The following CCDC32 variants were observed in gnomAD, a reference collection of about 807,000 sequenced individuals.
The protein encoded by CCDC32 is coiled-coil domain-containing protein 32.
In CCDC32, 9 loss-of-function variants were observed where a neutral mutation model predicts 20.1. The observed-to-expected ratio is 0.45, with a 90% CI of 0.27 to 0.78. CCDC32 has a LOEUF of 0.78. Among genes scored for constraint, CCDC32 ranks in the 30% least tolerant of loss-of-function variants. CCDC32 has a pLI of 0.16. For synonymous variants in CCDC32, 63 were observed against 79.0 expected (o/e 0.80, Z 1.07); for missense variants, 204 against 215.5 (o/e 0.95, Z 0.33).
intron 2 of CCDC32, chr15:40,562,333 G>C (rs1369051502): frequency 6.4e-6 from 1 of 156,218 alleles, no homozygotes; most frequent in Non-Finnish European, 1.4e-5. Flanking sequence ...CAGCACTTTG[G>C]GATGCCGAGG....
chr15:40,564,763 C>T (rs1051834415), intron 1 of CCDC32: 4 of 1,614,214 alleles, frequency 2.5e-6, no homozygotes, highest in Non-Finnish European at 3.4e-6. Context: ...AAACTTTGCT[C>T]ACACCAGAGC....
intron 3 of CCDC32, among the ~76,000 whole-genome samples, chr15:40,546,708 A>AT (rs35672819): frequency 0.84 from 122,890 of 146,288 alleles, 52,547 homozygotes; most frequent in Non-Finnish European, 0.92. Flanking sequence ...GTGTTTTGCA[A>AT]TTTTTTTTTT....
intron 3 of CCDC32, among the ~76,000 whole-genome samples, chr15:40,540,493 G>A (rs908474541): frequency 1.3e-5 from 2 of 150,740 alleles, no homozygotes; most frequent in Non-Finnish European, 2.9e-5. Context: ...TCAGCCTCCC[G>A]AGTAGCTGGG....
intron 3 of CCDC32, among the ~76,000 whole-genome samples, chr15:40,542,874 C>G (rs1438927867): frequency 6.8e-6 from 1 of 148,022 alleles, no homozygotes; most frequent in African/African-American, 2.5e-5. Context: ...AAAAAGATGC[C>G]TGGCCAGGTG....
At chr15:40,552,603 C>T (rs1339266724), downstream of CCDC32, among the ~76,000 whole-genome samples, 2 of 150,606 alleles carry the variant, frequency 1.3e-5, no homozygotes, top group African/African-American at 2.4e-5. Flanking sequence ...AAGACAAATA[C>T]TTGATTTAGA....
chr15:40,534,748 C>A, downstream of CCDC32: 1 of 619,304 alleles, frequency 1.6e-6, no homozygotes, highest in Admixed American at 2.5e-5. Context: ...GCACTAATCC[C>A]ATTGATAAAG....
downstream of CCDC32, among the ~76,000 whole-genome samples, chr15:40,532,729 T>C (rs1888935123): frequency 1.4e-5 from 2 of 143,780 alleles, no homozygotes; most frequent in South Asian, 2.2e-4. Flanking sequence ...TTTTTTTTTT[T>C]TTTTTTTTTT....
chr15:40,564,820 G>T (rs762080665), intron 1 of CCDC32, 156 bp downstream of exon 1: 1 of 1,613,886 alleles, frequency 6.2e-7, no homozygotes, highest in Non-Finnish European at 8.5e-7. Flanking sequence ...AACCACGCAG[G>T]AAATTCCGGC....
intron 3 of CCDC32, among the ~76,000 whole-genome samples, chr15:40,546,779 G>T (rs2141619620): frequency 6.6e-6 from 1 of 150,722 alleles, no homozygotes; most frequent in East Asian, 2.0e-4. Flanking sequence ...TCAGCTCACT[G>T]CAACCTCACC....
chr15:40,533,807 G>A (rs769713639), downstream of CCDC32, among the ~76,000 whole-genome samples: 82 of 152,094 alleles, frequency 5.4e-4, no homozygotes, highest in Admixed American at 5.9e-4. Context: ...TTGAAATAGA[G>A]TAATTGGGGT....
chr15:40,552,856 C>T (rs1486513387), downstream of CCDC32: 5 of 148,732 alleles, frequency 3.4e-5, no homozygotes, highest in African/African-American at 7.4e-5. Context: ...CTCTCTCGAT[C>T]GGAAGATTTT....
chr15:40,541,202 G>T, intron 3 of CCDC32, among the ~76,000 whole-genome samples: 1 of 152,334 alleles, frequency 6.6e-6, no homozygotes, highest in African/African-American at 2.4e-5. Flanking sequence ...CTTAGCCCCT[G>T]CAGGGCTGCC....
chr15:40,547,849 C>G lies in CCDC32; in HGVS notation c.402-8494G>C, dbSNP rs1055726289. Among the ~76,000 whole-genome samples the G allele has an allele frequency of 2.0e-5, 3 of 152,326 alleles. No individual in the cohort carries two copies. The East Asian group carries it at 5.8e-4, about 29-fold the overall frequency. ...CAGTCCCTCCCTTTCCTGACCTGTT[C>G]CCACTTTTCTCCATGAACCCCAGGG... is the stretch of plus-strand genomic sequence containing the variant. On this transcript the variant is annotated intron_variant, in intron 3 of 3. Coordinates refer to the CCDC32 transcript ENST00000558113.
At chr15:40,548,343 C>T (rs1247909899), downstream of CCDC32, among the ~76,000 whole-genome samples, 1 of 152,174 alleles carries the variant, frequency 6.6e-6, no homozygotes, top group Non-Finnish European at 1.5e-5. Flanking sequence ...TGCCCCTCTC[C>T]CTACTGTAGC....
chr15:40,536,795 C>T (rs571438599), downstream of CCDC32: 2 of 152,358 alleles, frequency 1.3e-5, no homozygotes, highest in East Asian at 1.9e-4. Context: ...GTTCATTCCA[C>T]GGAACACACT....
At chr15:40,558,129 A>G (rs1356383047) in intron 2 of CCDC32, 2 of 152,238 alleles carry the variant, frequency 1.3e-5, no homozygotes, top group Non-Finnish European at 2.9e-5. Context: ...AAGAAAGGAC[A>G]TCACCATTTA....
chr15:40,553,191 C>G lies in CCDC32; in HGVS notation c.*780G>C. On this transcript the variant is annotated 3_prime_UTR_variant, in exon 4 of 4. Transcript: ENST00000416810. ...TCGGGCTCAGCCAGGAAACCTGCCA[C>G]AAGGAAGATGTTTGGAACTATCCAG... is the stretch of plus-strand genomic sequence containing the variant. 1.0e-6 allele frequency: 1 copy of G among 985,430 alleles called. No homozygotes were observed. The highest frequency in any genetic ancestry group is 1.2e-6 in the Non-Finnish European group (1 of 829,964). The allele number at this position is 985,430 out of a possible 1,614,324, so 61.0% of individuals were successfully genotyped here.
intron 2 of CCDC32, among the ~76,000 whole-genome samples, chr15:40,559,262 ATGTATT>A (rs964179872): frequency 1.3e-4 from 20 of 152,276 alleles, no homozygotes; most frequent in African/African-American, 4.8e-4. Flanking sequence ...ATTTTTAAAA[ATGTATT>A]TGTAAAGACA....
intron 3 of CCDC32, among the ~76,000 whole-genome samples, chr15:40,543,809 A>G (rs1227108005): frequency 6.6e-6 from 1 of 152,140 alleles, no homozygotes; most frequent in African/African-American, 2.4e-5. Flanking sequence ...GTAGGTTTGC[A>G]TAGACCTGCT....
Sources: allele counts gnomAD v4.1 joint callset (sites outside exome capture counted in the v4.1 genomes callset), GRCh38; gene constraint gnomAD v4.1.1; transcripts MANE v1.5; gene names NCBI Gene and HGNC (gene_info 2026-07-23, HGNC 2026-07-21).